SCD5: variants seen among roughly 807,000 people sequenced by gnomAD.
SCD5 encodes the protein acyl-CoA-desaturase 4.
Under a neutral mutation model 30.4 loss-of-function variants are expected in SCD5, and 20 were observed. The observed-to-expected ratio is 0.66, with a 90% CI of 0.46 to 0.96. The LOEUF (loss-of-function observed/expected upper bound fraction) is 0.96, where lower values mean the gene tolerates loss of function less well. SCD5 is among the 40% of genes least tolerant of loss of function. The pLI is 0.00. For missense variants in SCD5, 381 were observed against 443.3 expected (o/e 0.86, Z 1.26); for synonymous variants, 173 against 176.4 (o/e 0.98, Z 0.16).
chr4:82,756,036 G>A (rs2148844319), intron 1 of SCD5, among the ~76,000 whole-genome samples: 1 of 152,150 alleles, frequency 6.6e-6, no homozygotes, highest in South Asian at 2.1e-4. Context: ...TTGGTGTAGA[G>A]GCCCTGTGGC....
intron 1 of SCD5, among the ~76,000 whole-genome samples, chr4:82,761,743 A>G (rs1179752700): frequency 7.5e-6 from 1 of 134,154 alleles, no homozygotes; most frequent in Admixed American, 7.7e-5. Context: ...TCCCCACCCC[A>G]CAACAGTCCC....
Position 82,730,628 on chromosome 4 carries a change from C to G in SCD5, c.233-25215G>C, listed in dbSNP as rs1720618417. Among the ~76,000 whole-genome samples, 3 of 145,626 alleles carry G rather than the reference C, an allele frequency of 2.1e-5. No homozygotes were observed. The South Asian group carries it at 6.6e-4, about 32-fold the overall frequency. On this transcript the variant is annotated intron_variant, in intron 1 of 4. Coordinates refer to ENST00000319540, the MANE Select transcript of SCD5 (RefSeq NM_001037582.3). ...TTAGAAGGAGTCTCACTCTGTTGCC[C>G]AGGCTGGAGTGCAGTGGCGGGATCT...
intron 1 of SCD5, among the ~76,000 whole-genome samples, chr4:82,709,456 T>C (rs28531833): frequency 0.027 from 4,061 of 152,200 alleles, 216 homozygotes; most frequent in African/African-American, 0.093. Flanking sequence ...ACAGAGCAAA[T>C]GAACAGAATA....
intron 1 of SCD5, among the ~76,000 whole-genome samples, chr4:82,732,952 T>C (rs1040395934): frequency 6.6e-6 from 1 of 152,112 alleles, no homozygotes; most frequent in South Asian, 2.1e-4. Flanking sequence ...ACCAGTCTAG[T>C]AGAAAGAGGA....
intron 1 of SCD5, among the ~76,000 whole-genome samples, chr4:82,770,183 C>T (rs904536082): frequency 5.9e-5 from 9 of 152,156 alleles, no homozygotes; most frequent in African/African-American, 2.2e-4. Context: ...ATCCTGCCCC[C>T]CTCCCCACAC....
At chr4:82,712,297 T>TATACACA (rs1560540874) in intron 1 of SCD5, among the ~76,000 whole-genome samples, 3 of 33,762 alleles carry the variant, frequency 8.9e-5, no homozygotes, top group Admixed American at 3.7e-4. Flanking sequence ...TATATATATA[T>TATACACA]TTTATTTTTA....
intron 3 of SCD5, among the ~76,000 whole-genome samples, chr4:82,649,236 A>G (rs1727696089): frequency 1.3e-5 from 2 of 151,352 alleles, no homozygotes; most frequent in African/African-American, 4.9e-5. Flanking sequence ...TCTTCACCTT[A>G]GAGGCAGTTC....
chr4:82,793,394 C>T (rs28641161), intron 1 of SCD5, among the ~76,000 whole-genome samples: 11,182 of 152,046 alleles, frequency 0.074, 588 homozygotes, highest in African/African-American at 0.14. Flanking sequence ...TGGAGGAAAA[C>T]AGGAGGAAGA....
intron 1 of SCD5, among the ~76,000 whole-genome samples, chr4:82,794,763 C>T (rs1317875617): frequency 2.0e-5 from 3 of 152,016 alleles, no homozygotes; most frequent in African/African-American, 4.8e-5. Context: ...CATTCTCCTG[C>T]CTCAGCCTCC....
intron 1 of SCD5, among the ~76,000 whole-genome samples, chr4:82,742,078 C>CA (rs11366931): frequency 2.2e-3 from 199 of 92,274 alleles, no homozygotes; most frequent in Middle Eastern, 6.8e-3. Context: ...GAGTCCGTCT[C>CA]AAAAAAAAAA....
chr4:82,772,895 T>C (rs998509332), intron 1 of SCD5, among the ~76,000 whole-genome samples: 5 of 152,176 alleles, frequency 3.3e-5, no homozygotes, highest in African/African-American at 1.2e-4. Flanking sequence ...TGCTCAGTAA[T>C]TATATGGGTT....
At chr4:82,728,146 A>T (rs1407677452) in intron 1 of SCD5, among the ~76,000 whole-genome samples, 1 of 152,160 alleles carries the variant, frequency 6.6e-6, no homozygotes, top group Non-Finnish European at 1.5e-5. Context: ...TAAATAATTT[A>T]AAAATAAAAA....
intron 1 of SCD5, among the ~76,000 whole-genome samples, chr4:82,768,603 T>C (rs558636732): frequency 2.0e-5 from 3 of 152,310 alleles, no homozygotes; most frequent in South Asian, 4.1e-4. Flanking sequence ...ATTAAAATTA[T>C]ACGAACACTG....
chr4:82,635,196 A>T (rs1727398118), intron 4 of SCD5, among the ~76,000 whole-genome samples: 1 of 152,194 alleles, frequency 6.6e-6, no homozygotes, highest in African/African-American at 2.4e-5. Context: ...TTGCTTTGAC[A>T]GGTATTAACT....
rs769569022 is a variant in SCD5, at chr4:82,705,410, T to C, written c.236A>G (p.Tyr79Cys). 4.3e-6 allele frequency: 7 copies of C among 1,614,158 alleles called. No homozygotes were observed. The highest frequency in any genetic ancestry group is 5.1e-6 in the Non-Finnish European group (6 of 1,180,016). Residue 79 changes from tyrosine to cysteine, a missense_variant, in exon 2 of 5, where the codon TAC (tyrosine) becomes TGC (cysteine). Coordinates refer to ENST00000319540, the MANE Select transcript of SCD5 (RefSeq NM_001037582.3). ...CAGAGCGGCCAGGAGGAAGCAGAAG[T>C]AGGCTGCAAGACACAAGCAGGGACA... Reference protein sequence around the residue: ...KAKPLTLLWAYFCFLLAALGV... With the variant: ...KAKPLTLLWACFCFLLAALGV...
chr4:82,664,151 GAATA>G (rs1299647427), intron 3 of SCD5, among the ~76,000 whole-genome samples: 1 of 152,184 alleles, frequency 6.6e-6, no homozygotes, highest in Non-Finnish European at 1.5e-5. Flanking sequence ...GGTACAGAAT[GAATA>G]CTTAGAAAAC....
At chr4:82,695,715 A>C (rs1393234743) in intron 2 of SCD5, among the ~76,000 whole-genome samples, 1 of 152,186 alleles carries the variant, frequency 6.6e-6, no homozygotes, top group East Asian at 1.9e-4. Flanking sequence ...GTGATTTTCT[A>C]ACTATGCTGT....
At chr4:82,794,639 G>A (rs1040789356) in intron 1 of SCD5, among the ~76,000 whole-genome samples, 4 of 151,264 alleles carry the variant, frequency 2.6e-5, no homozygotes, top group Non-Finnish European at 5.9e-5. Flanking sequence ...GTTGGAGTTT[G>A]CATTCTGTCC....
At chr4:82,793,659 ACCAAGAG>A (rs143216005) in intron 1 of SCD5, among the ~76,000 whole-genome samples, 3,441 of 152,314 alleles carry the variant, frequency 0.023, 55 homozygotes, top group Middle Eastern at 0.031. Flanking sequence ...ATTAACACCA[ACCAAGAG>A]CCAGGCACTG....
Sources: allele counts gnomAD v4.1 joint callset (sites outside exome capture counted in the v4.1 genomes callset), GRCh38; gene constraint gnomAD v4.1.1; transcripts MANE v1.5; gene names NCBI Gene and HGNC (gene_info 2026-07-23, HGNC 2026-07-21).